PGLS: variants seen among roughly 807,000 people sequenced by gnomAD.
The protein encoded by PGLS is epididymis secretory protein Li 304.
PGLS carries 21 observed loss-of-function variants against 23.2 expected under a neutral mutation model. That is an observed-to-expected ratio of 0.91 (90% CI 0.64 to 1.31). The LOEUF is 1.31. Among genes scored for constraint, PGLS ranks in the 50% most tolerant of loss-of-function variants. The pLI, the probability that PGLS is intolerant of heterozygous loss-of-function variation, is 0.00. For synonymous variants in PGLS, 179 were observed against 165.4 expected (o/e 1.08, Z -0.63); for missense variants, 410 against 354.0 (o/e 1.16, Z -1.27).
chr19:17,511,992 C>A, intron 1 of PGLS, 32 bp downstream of exon 1: 2 of 1,522,526 alleles, frequency 1.3e-6, no homozygotes, highest in Admixed American at 2.0e-5. Context: ...GGGGATCACG[C>A]CGAGAGGGCC....
At chr19:17,518,192 G>T (rs887973770) in intron 4 of PGLS, 3 of 172,758 alleles carry the variant, frequency 1.7e-5, no homozygotes, top group African/African-American at 7.2e-5. Context: ...CTTTCCTGTA[G>T]AATTAGAAAA....
chr19:17,517,247 C>T, intron 2 of PGLS, 41 bp from the exon 3 acceptor site: 3 of 1,296,316 alleles, frequency 2.3e-6, no homozygotes, highest in Non-Finnish European at 3.4e-6. Context: ...CCTGCCCCTG[C>T]CACCTACAAC....
intron 4 of PGLS, among the ~76,000 whole-genome samples, chr19:17,520,110 G>A (rs557137269): frequency 4.6e-4 from 70 of 152,202 alleles, no homozygotes; most frequent in Admixed American, 2.5e-3. Context: ...CCTTGATGCC[G>A]TCACTGTACT....
At chr19:17,513,588 G>A (rs1453743984) in intron 1 of PGLS, among the ~76,000 whole-genome samples, 3 of 151,558 alleles carry the variant, frequency 2.0e-5, no homozygotes, top group Non-Finnish European at 2.9e-5. Context: ...GGAGGCCAAG[G>A]ATGGTGGATC....
In PGLS at chr19:17,515,225, C is replaced by T. The variant is rs578210167; in HGVS notation, c.289-948C>T. Among the ~76,000 whole-genome samples, 95 of 152,316 alleles carry T rather than the reference C, an allele frequency of 6.2e-4. 1 individual carries two copies. Among genetic ancestry groups the T allele is most frequent in the Non-Finnish European group, 1.1e-3 (76 of 68,016 alleles). On this transcript the variant is annotated intron_variant, in intron 1 of 4. Coordinates refer to ENST00000252603, the MANE Select transcript of PGLS (RefSeq NM_012088.3). The stretch of plus-strand genomic sequence containing the variant: ...ATTGTGTCCCTCCCCAGCTCACACA[C>T]CCTCCTTGGCTCCCCAATGCCCTCA...
At chr19:17,513,218 C>CT (rs1273934463) in intron 1 of PGLS, 1 of 150,530 alleles carries the variant, frequency 6.6e-6, no homozygotes, top group African/African-American at 2.5e-5. Flanking sequence ...TGGCAAAACT[C>CT]TGTCTCTACT....
intron 4 of PGLS, among the ~76,000 whole-genome samples, chr19:17,519,652 G>A (rs10416082): frequency 0.54 from 81,521 of 151,690 alleles, 21,941 homozygotes; most frequent in Middle Eastern, 0.61. Context: ...CGCCCCCCTC[G>A]GCCTCCCAAA....
chr19:17,516,432 C>A (rs144664381), intron 2 of PGLS, 152 bp downstream of exon 2: 2 of 1,425,862 alleles, frequency 1.4e-6, no homozygotes, highest in Non-Finnish European at 1.8e-6. Context: ...GGCCACAGCC[C>A]TGCCCTGGGG....
Position 17,517,355 on chromosome 19 carries a change from C to T in PGLS, c.464C>T (p.Thr155Ile). The T allele has an allele frequency of 1.2e-6, 2 of 1,613,950 alleles. No homozygotes were observed. The highest frequency in any genetic ancestry group is 1.1e-5 in the South Asian group (1 of 91,064). ...CTGGGGGTGGGCCCCGATGGTCACA[C>T]CTGCTCACTCTTCCCAGACCACCCC... ...LILGVGPDGH[T>I]CSLFPDHPLL... Residue 155 changes from threonine to isoleucine, a missense_variant, in exon 3 of 5, where the codon ACC becomes ATC. By Grantham distance (89) the Thr-to-Ile change is moderately conservative (BLOSUM62 -1). Transcript: ENST00000252603.
In PGLS at chr19:17,517,725, G is replaced by T. The variant is rs1200891607; in HGVS notation, c.514G>T (p.Val172Leu). The change falls in exon 4 of 5, where the codon GTG becomes TTG. Residue 172 changes from valine to leucine, a missense_variant. Physicochemically the swap from Val to Leu is conservative, Grantham distance 32. Transcript: ENST00000252603. The stretch of plus-strand genomic sequence containing the variant: ...CCTCCCCAAGGAGCGGGAGAAGATT[G>T]TGGCTCCCATCAGTGACTCCCCGAA... ...HPLLQEREKIVAPISDSPKPP... is the reference protein window; with the variant it reads ...HPLLQEREKILAPISDSPKPP... The T allele has an allele frequency of 1.9e-6, 3 of 1,614,012 alleles. No individual in the cohort carries two copies. The highest frequency in any genetic ancestry group is 2.5e-6 in the Non-Finnish European group (3 of 1,180,042).
Position 17,511,709 on chromosome 19 carries a change from T to G in PGLS, c.37T>G (p.Ser13Ala), listed in dbSNP as rs2075506767. 1 of 1,509,922 alleles carries G rather than the reference T, an allele frequency of 6.6e-7. No individual in the cohort carries two copies. The highest frequency in any genetic ancestry group is 8.8e-7 in the Non-Finnish European group (1 of 1,135,968). The allele number at this position is 1,509,922 out of a possible 1,614,324, so 93.5% of individuals were successfully genotyped here. A position where few individuals can be genotyped will look rare whatever the true frequency, so the allele number is the denominator to read the frequency against. ...APAPGLISVFSSSQELGAALA... is the reference protein window; with the variant it reads ...APAPGLISVFASSQELGAALA... ...GGCCCCGGGCCTCATCTCGGTGTTC[T>G]CGAGTTCCCAGGAGCTGGGTGCGGC... The change falls in exon 1 of 5, where the codon TCG becomes GCG. Residue 13 changes from serine (S) to alanine (A), a missense_variant. Coordinates refer to ENST00000252603, the MANE Select transcript of PGLS (RefSeq NM_012088.3).
At chr19:17,515,519 C>T (rs768790289) in intron 1 of PGLS, among the ~76,000 whole-genome samples, 3 of 152,170 alleles carry the variant, frequency 2.0e-5, no homozygotes, top group Admixed American at 6.5e-5. Context: ...ATCTACTGTG[C>T]GCTAGCCACA....
intron 2 of PGLS, 151 bp downstream of exon 2, chr19:17,516,431 C>T (rs776291363): frequency 1.4e-6 from 2 of 1,425,930 alleles, no homozygotes; most frequent in African/African-American, 1.4e-5. Context: ...AGGCCACAGC[C>T]CTGCCCTGGG....
intron 3 of PGLS, 138 bp from the exon 4 acceptor site, chr19:17,517,563 TTAAAACAGG>T (rs1262703164): frequency 9.7e-7 from 1 of 1,030,676 alleles, no homozygotes; most frequent in East Asian, 2.4e-5. Context: ...GTTGAGCCCC[TTAAAACAGG>T]GACCTTAAAC....
At position 17,511,832 on chromosome 19, in the gene PGLS, C is replaced by A; in HGVS notation, c.160C>A (p.Leu54Ile). 6.5e-7 allele frequency: 1 copy of A among 1,528,606 alleles called. No individual in the cohort carries two copies. Among genetic ancestry groups the A allele is most frequent in the African/African-American group, 1.4e-5 (1 of 70,654 alleles). The allele number at this position is 1,528,606 out of a possible 1,614,324, so 94.7% of individuals were successfully genotyped here. A position where few individuals can be genotyped will look rare whatever the true frequency, so the allele number is the denominator to read the frequency against. Reference protein sequence around the residue: ...GLSGGSLVSMLARELPAAVAP... With the variant: ...GLSGGSLVSMIARELPAAVAP... Reference sequence around the variant, plus strand: ...GTCGGGCGGGAGCCTCGTCTCGATGCTAGCCCGCGAGCTACCCGCCGCCGT... The same window carrying A: ...GTCGGGCGGGAGCCTCGTCTCGATGATAGCCCGCGAGCTACCCGCCGCCGT... Residue 54 changes from leucine to isoleucine, a missense_variant, in exon 1 of 5, where the codon CTA becomes ATA. Leu to Ile is a conservative substitution (Grantham distance 5). Transcript: ENST00000252603.
At chr19:17,520,064 G>T (rs1209810858) in intron 4 of PGLS, among the ~76,000 whole-genome samples, 1 of 152,120 alleles carries the variant, frequency 6.6e-6, no homozygotes, top group African/African-American at 2.4e-5. Flanking sequence ...GAGGCAAGAG[G>T]ATCACTTGAG....
intron 2 of PGLS, among the ~76,000 whole-genome samples, chr19:17,516,706 T>G (rs1449105085): frequency 3.3e-5 from 5 of 151,740 alleles, no homozygotes; most frequent in Non-Finnish European, 7.4e-5. Flanking sequence ...TGCCTCAGCC[T>G]CCTGAGTAGC....
At position 17,520,885 on chromosome 19, in the gene PGLS, T is replaced by C. The variant is rs1269323510; in HGVS notation, c.640-59T>C. ...ATCCTTGGTTGGGGAGCCAGGAGAG[T>C]GCCGAGGGGCGGTGCCTGGGCCGCA... is the stretch of plus-strand genomic sequence containing the variant. On this transcript the variant is annotated intron_variant, in intron 4 of 4. Transcript: ENST00000252603. 1.1e-5 allele frequency: 16 copies of C among 1,475,600 alleles called. No homozygotes were observed. The Admixed American group carries it at 3.9e-4, about 36-fold the overall frequency. 91.4% of individuals were successfully genotyped at this position (1,475,600 alleles called of 1,614,324 possible). A position where few individuals can be genotyped will look rare whatever the true frequency, so the allele number is the denominator to read the frequency against.
chr19:17,512,629 T>G (rs1288674914), intron 1 of PGLS: 2 of 152,214 alleles, frequency 1.3e-5, no homozygotes, highest in Non-Finnish European at 2.9e-5. Context: ...ATCTTTGGCT[T>G]TGAGCCTCAG....
Sources: gnomAD v4.1 joint callset for allele counts (sites outside exome capture counted in the v4.1 genomes callset) on GRCh38, gnomAD v4.1.1 for gene constraint, MANE v1.5 for transcripts, NCBI Gene and HGNC (gene_info 2026-07-23, HGNC 2026-07-21) for gene names.